Variants in CFAP52 observed in about 807,000 individuals in gnomAD.
CFAP52 encodes the protein cilia- and flagella-associated protein 52.
In CFAP52, 57 loss-of-function variants were observed where a neutral mutation model predicts 70.5. The ratio of observed to expected loss-of-function variants is 0.81; its 90% CI spans 0.65 to 1.01. The LOEUF (loss-of-function observed/expected upper bound fraction) is 1.01, where lower values mean the gene tolerates loss of function less well. Ranked by LOEUF, CFAP52 falls within the 50% of genes least tolerant of loss-of-function variation. The pLI is 0.00. For synonymous variants in CFAP52, 267 were observed against 292.5 expected (o/e 0.91, Z 0.89); for missense variants, 785 against 788.5 (o/e 1.00, Z 0.05).
intron 9 of CFAP52, among the ~76,000 whole-genome samples, chr17:9,631,776 T>G (rs1310051064): frequency 1.3e-5 from 2 of 151,794 alleles, no homozygotes; most frequent in Non-Finnish European, 2.9e-5. Flanking sequence ...AAAGTTTTTT[T>G]TTTTTTTTGA....
chr17:9,631,024 A>AGAGAGAG (rs1567634806), intron 9 of CFAP52, among the ~76,000 whole-genome samples: 2 of 30,078 alleles, frequency 6.6e-5, no homozygotes, highest in African/African-American at 3.0e-4. Context: ...GAAAGAAAGA[A>AGAGAGAG]AGAAAGAGAG....
rs144465881 is a variant in CFAP52 at position 9,638,610 on chromosome 17, C to T, written c.1474C>T (p.Arg492Cys). The change falls in exon 12 of 14, where the codon CGT becomes TGT. Residue 492 changes from arginine to cysteine, a missense_variant and splice_region_variant. Physicochemically the swap from Arg to Cys is radical, Grantham distance 180. Coordinates refer to ENST00000352665, the MANE Select transcript of CFAP52 (RefSeq NM_145054.5). ...ACAGCTTTTGAATCTACTTTCCAGG[C>T]GTCTCAGGAGGAATCAGATGATACT... Reference protein sequence around the residue: ...DGTCIIWDLVRLRRNQMILAN... With the variant: ...DGTCIIWDLVCLRRNQMILAN... The T allele has an allele frequency of 4.9e-5, 79 of 1,613,736 alleles. No homozygotes were observed. In the African/African-American group the frequency reaches 6.1e-4, roughly 13 times the overall value.
intron 2 of CFAP52, 51 bp from the exon 3 acceptor site, chr17:9,586,647 C>G (rs772461992): frequency 4.2e-5 from 65 of 1,541,236 alleles, no homozygotes; most frequent in Non-Finnish European, 5.7e-5. Context: ...GCTATCTCCT[C>G]AGATGCTTTT....
At chr17:9,643,623 T>C (rs1033471007), downstream of CFAP52, among the ~76,000 whole-genome samples, 2 of 152,214 alleles carry the variant, frequency 1.3e-5, no homozygotes, top group African/African-American at 2.4e-5. Context: ...ATCCAGATCT[T>C]GGGCAGGCTT....
intron 1 of CFAP52, among the ~76,000 whole-genome samples, chr17:9,578,922 T>C (rs1337177986): frequency 6.6e-6 from 1 of 152,160 alleles, no homozygotes; most frequent in Non-Finnish European, 1.5e-5. Flanking sequence ...GTCAATCTTA[T>C]GATCTCTATT....
At chr17:9,608,855 T>C (rs1909609001) in intron 7 of CFAP52, among the ~76,000 whole-genome samples, 1 of 152,164 alleles carries the variant, frequency 6.6e-6, no homozygotes, top group Admixed American at 6.5e-5. Context: ...GTCTTTGTCC[T>C]CCCAGAACTT....
intron 4 of CFAP52, among the ~76,000 whole-genome samples, chr17:9,597,803 AAGAGAG>A (rs10548437): frequency 5.0e-4 from 69 of 139,120 alleles, no homozygotes; most frequent in African/African-American, 1.3e-3. Flanking sequence ...CTCTGTCAGA[AAGAGAG>A]AGAGAGAGAG....
At chr17:9,638,754 G>A (rs755824895) in intron 12 of CFAP52, 43 bp downstream of exon 12, 4 of 1,595,364 alleles carry the variant, frequency 2.5e-6, no homozygotes, top group Non-Finnish European at 3.4e-6. Flanking sequence ...CAGCGCAAGA[G>A]AAAAGCAGTG....
intron 6 of CFAP52, 38 bp from the exon 7 acceptor site, chr17:9,608,081 A>G (rs763702622): frequency 6.4e-7 from 1 of 1,554,766 alleles, no homozygotes; most frequent in Non-Finnish European, 8.8e-7. Flanking sequence ...GATTTGTGAG[A>G]TTTTTGTGCT....
chr17:9,594,406 A>G (rs1043445534), intron 4 of CFAP52, 85 bp downstream of exon 4: 5 of 1,517,896 alleles, frequency 3.3e-6, no homozygotes, highest in Non-Finnish European at 8.9e-7. Flanking sequence ...GATCTGGGGG[A>G]ACACGTCTTT....
Position 9,643,229 on chromosome 17 carries a change from T to A in CFAP52, c.*31T>A. 1 of 1,551,832 alleles carries A rather than the reference T, an allele frequency of 6.4e-7. No individual in the cohort carries two copies. The highest frequency in any genetic ancestry group is 8.7e-7 in the Non-Finnish European group (1 of 1,146,092). On this transcript the variant is annotated 3_prime_UTR_variant, in exon 14 of 14. Coordinates refer to ENST00000352665, the MANE Select transcript of CFAP52 (RefSeq NM_145054.5). ...ATGAGATGTCTCTGAGCCTTGGCGT[T>A]GCACGCAGTCCTGTTGAAGACTGAG...
intron 8 of CFAP52, among the ~76,000 whole-genome samples, chr17:9,616,182 C>T (rs1202642745): frequency 1.3e-5 from 2 of 151,148 alleles, no homozygotes; most frequent in African/African-American, 4.9e-5. Context: ...CATTGCCTCA[C>T]CTGGGAAGCG....
At chr17:9,624,768 T>A (rs914143013) in intron 8 of CFAP52, among the ~76,000 whole-genome samples, 1 of 152,188 alleles carries the variant, frequency 6.6e-6, no homozygotes, top group Non-Finnish European at 1.5e-5. Context: ...CTCAGTATTA[T>A]ATAGAATATA....
intron 1 of CFAP52, among the ~76,000 whole-genome samples, chr17:9,580,908 A>G (rs1908195468): frequency 6.6e-6 from 1 of 152,224 alleles, no homozygotes; most frequent in South Asian, 2.1e-4. Context: ...TAAGAACTTG[A>G]ATCACTTATT....
At chr17:9,603,634 T>C (rs1909369017) in intron 6 of CFAP52, among the ~76,000 whole-genome samples, 1 of 152,212 alleles carries the variant, frequency 6.6e-6, no homozygotes, top group African/African-American at 2.4e-5. Context: ...TTTGTGTCTG[T>C]AGACAAACTG....
chr17:9,629,986 G>A (rs994776398), intron 9 of CFAP52, among the ~76,000 whole-genome samples: 1 of 151,810 alleles, frequency 6.6e-6, no homozygotes, highest in Non-Finnish European at 1.5e-5. Flanking sequence ...CAGGAGCTCT[G>A]GGCTTACCTT....
chr17:9,607,610 T>C (rs1250726473), intron 6 of CFAP52, among the ~76,000 whole-genome samples: 1 of 152,232 alleles, frequency 6.6e-6, no homozygotes, highest in African/African-American at 2.4e-5. Flanking sequence ...TCTTGGGATA[T>C]TAAATATGGT....
At chr17:9,637,958 G>A (rs1910883234) in intron 11 of CFAP52, among the ~76,000 whole-genome samples, 1 of 152,182 alleles carries the variant, frequency 6.6e-6, no homozygotes, top group African/African-American at 2.4e-5. Context: ...GGGGCACCCT[G>A]GGCAGGGTAG....
At chr17:9,583,852 A>G (rs1322710445) in intron 1 of CFAP52, among the ~76,000 whole-genome samples, 1 of 152,228 alleles carries the variant, frequency 6.6e-6, no homozygotes, top group Non-Finnish European at 1.5e-5. Flanking sequence ...GGTATAACCA[A>G]AATCAAGTTT....
Sources: gnomAD v4.1 joint callset for allele counts (sites outside exome capture counted in the v4.1 genomes callset) on GRCh38, gnomAD v4.1.1 for gene constraint, MANE v1.5 for transcripts, NCBI Gene and HGNC (gene_info 2026-07-23, HGNC 2026-07-21) for gene names.